Variants in ANKS1B observed in about 807,000 individuals in gnomAD.
ANKS1B encodes the protein ankyrin repeat and sterile alpha motif domain-containing protein 1B.
Under a neutral mutation model 148.3 loss-of-function variants are expected in ANKS1B, and 36 were observed. That is an observed-to-expected ratio of 0.24 (90% CI 0.19 to 0.32). The LOEUF is 0.32. Ranked by LOEUF, ANKS1B falls within the 10% of genes least tolerant of loss-of-function variation. ANKS1B has a pLI of 1.00. For missense variants in ANKS1B, 1,157 were observed against 1,542.6 expected, an observed-to-expected ratio of 0.75 and a Z score of 4.19; for synonymous variants, 542 against 560.8, an observed-to-expected ratio of 0.97 and a Z score of 0.47.
chr12:99,115,325 T>C (rs2061126593), intron 15 of ANKS1B, among the ~76,000 whole-genome samples: 1 of 152,112 alleles, frequency 6.6e-6, no homozygotes, highest in African/African-American at 2.4e-5. Context: ...TGTGGGAACA[T>C]GATGGAGCTG....
At chr12:99,691,255 A>G (rs1240910926) in intron 8 of ANKS1B, among the ~76,000 whole-genome samples, 1 of 152,166 alleles carries the variant, frequency 6.6e-6, no homozygotes, top group African/African-American at 2.4e-5. Context: ...AGGGCCTTCT[A>G]TGAACGTCTC....
chr12:98,845,754 A>T (rs528204322), intron 17 of ANKS1B, among the ~76,000 whole-genome samples: 147 of 151,902 alleles, frequency 9.7e-4, no homozygotes, highest in Admixed American at 1.8e-3. Context: ...GGTAACTTTC[A>T]AGGGCTGCAT....
chr12:99,474,171 T>C (rs2096281775), intron 10 of ANKS1B, among the ~76,000 whole-genome samples: 1 of 152,080 alleles, frequency 6.6e-6, no homozygotes, highest in South Asian at 2.1e-4. Flanking sequence ...CCATATATAC[T>C]GTTCTTGTAC....
intron 9 of ANKS1B, among the ~76,000 whole-genome samples, chr12:99,533,352 T>C (rs1371130645): frequency 6.6e-6 from 1 of 152,226 alleles, no homozygotes; most frequent in East Asian, 1.9e-4. Flanking sequence ...TGTTGGTGTA[T>C]AGCAGTGCTA....
At chr12:98,893,715 C>T (rs1308997194) in intron 17 of ANKS1B, 1 of 152,282 alleles carries the variant, frequency 6.6e-6, no homozygotes, top group African/African-American at 2.4e-5. Flanking sequence ...AGCACCGCGA[C>T]TGAATTTCAA....
chr12:99,421,960 GAT>G (rs1457493509), intron 11 of ANKS1B, among the ~76,000 whole-genome samples: 4 of 152,156 alleles, frequency 2.6e-5, no homozygotes, highest in Non-Finnish European at 4.4e-5. Context: ...TTTGCCATGT[GAT>G]GTGCCTGCTT....
chr12:99,387,588 T>A (rs1386864639), intron 12 of ANKS1B, among the ~76,000 whole-genome samples: 3 of 150,540 alleles, frequency 2.0e-5, no homozygotes, highest in African/African-American at 7.4e-5. Flanking sequence ...AGAGTGAGAC[T>A]CTGTCTCAAA....
chr12:99,729,698 C>T (rs746497161), intron 8 of ANKS1B, among the ~76,000 whole-genome samples: 19 of 152,230 alleles, frequency 1.2e-4, no homozygotes, highest in East Asian at 3.9e-4. Flanking sequence ...TTTCTTTTCA[C>T]GCCTTGTAAA....
At chr12:99,879,452 A>G (rs2092347250) in intron 1 of ANKS1B, among the ~76,000 whole-genome samples, 1 of 152,202 alleles carries the variant, frequency 6.6e-6, no homozygotes, top group Non-Finnish European at 1.5e-5. Flanking sequence ...GGGATGACTG[A>G]AAAATATAAT....
chr12:99,328,200 C>T (rs78334180), intron 12 of ANKS1B, among the ~76,000 whole-genome samples: 45 of 152,028 alleles, frequency 3.0e-4, no homozygotes, highest in Non-Finnish European at 5.3e-4. Context: ...CCTATATTTG[C>T]CCCAGTTTAT....
intron 17 of ANKS1B, among the ~76,000 whole-genome samples, chr12:98,887,490 T>C (rs1282025068): frequency 2.0e-5 from 3 of 152,202 alleles, no homozygotes; most frequent in Non-Finnish European, 4.4e-5. Flanking sequence ...TCTTAACATT[T>C]TTCATCGTAT....
intron 8 of ANKS1B, among the ~76,000 whole-genome samples, chr12:99,699,649 A>C: frequency 6.6e-6 from 1 of 152,204 alleles, no homozygotes; most frequent in Non-Finnish European, 1.5e-5. Flanking sequence ...GCTAAACGAT[A>C]CAAAAATTAA....
intron 1 of ANKS1B, among the ~76,000 whole-genome samples, chr12:99,969,156 G>A (rs1041894522): frequency 6.6e-6 from 1 of 152,088 alleles, no homozygotes; most frequent in Non-Finnish European, 1.5e-5. Flanking sequence ...AGAATTTTGG[G>A]GGTAAAAAAT....
chr12:98,757,478 C>T (rs1215608189), intron 25 of ANKS1B, among the ~76,000 whole-genome samples: 10 of 152,230 alleles, frequency 6.6e-5, no homozygotes, highest in African/African-American at 2.2e-4. Context: ...CTCATTCAGA[C>T]AACAGGAAGA....
chr12:99,291,688 T>C (rs2080013323), intron 12 of ANKS1B, among the ~76,000 whole-genome samples: 1 of 152,014 alleles, frequency 6.6e-6, no homozygotes, highest in Non-Finnish European at 1.5e-5. Context: ...CTGGATATCC[T>C]TATGCAGAAG....
chr12:99,960,639 G>C (rs1439661037), intron 1 of ANKS1B, among the ~76,000 whole-genome samples: 1 of 152,176 alleles, frequency 6.6e-6, no homozygotes, highest in African/African-American at 2.4e-5. Context: ...GTAGAAACTT[G>C]CAACTCTAGA....
intron 19 of ANKS1B, among the ~76,000 whole-genome samples, chr12:98,823,144 T>G (rs2099213630): frequency 6.6e-6 from 1 of 152,226 alleles, no homozygotes; most frequent in Non-Finnish European, 1.5e-5. Context: ...GTTCTTGGCT[T>G]GAAATAGGGC....
At position 99,909,100 on chromosome 12, in the gene ANKS1B, T is replaced by C. The variant is rs146333991; in HGVS notation, c.134+75004A>G. On this transcript the variant is annotated intron_variant, in intron 1 of 26. Coordinates refer to ENST00000683438, the MANE Select transcript of ANKS1B (RefSeq NM_001352186.2). ...TTTTAGATTCTGCACATAAGTGAGA[T>C]CATGCAGTGTTTTTCTTTCTGTGCC... Among the ~76,000 whole-genome samples the C allele has an allele frequency of 4.9e-4, 74 of 151,974 alleles. No homozygotes were observed. In the East Asian group the frequency reaches 0.011, roughly 22 times the overall value.
intron 16 of ANKS1B, among the ~76,000 whole-genome samples, chr12:99,072,283 G>A (rs1370567282): frequency 1.3e-5 from 2 of 152,044 alleles, no homozygotes; most frequent in Non-Finnish European, 2.9e-5. Flanking sequence ...AATTTAGGGA[G>A]AATTTATTGA....
Sources: gnomAD v4.1 joint callset for allele counts (sites outside exome capture counted in the v4.1 genomes callset) on GRCh38, gnomAD v4.1.1 for gene constraint, MANE v1.5 for transcripts, NCBI Gene and HGNC (gene_info 2026-07-23, HGNC 2026-07-21) for gene names.